Variants in DLST observed in about 807,000 individuals in gnomAD.
The protein encoded by DLST is dihydrolipoamide S-succinyltransferase.
Under a neutral mutation model 53.1 loss-of-function variants are expected in DLST, and 17 were observed. The observed-to-expected ratio is 0.32, with a 90% CI of 0.22 to 0.48. The LOEUF (loss-of-function observed/expected upper bound fraction) is 0.48, where lower values mean the gene tolerates loss of function less well. DLST is among the 20% of genes least tolerant of loss of function. The pLI is 0.99. For synonymous variants in DLST, 206 were observed against 204.8 expected (o/e 1.01, Z -0.05); for missense variants, 512 against 583.9 (o/e 0.88, Z 1.27).
At chr14:74,896,423 CTT>C (rs1884079442) in intron 10 of DLST, among the ~76,000 whole-genome samples, 1 of 152,300 alleles carries the variant, frequency 6.6e-6, no homozygotes, top group Middle Eastern at 3.4e-3. Flanking sequence ...CAGGTCATCT[CTT>C]TCTTTCTTTT....
rs994925308 is a variant in DLST, at chr14:74,890,945, T to C, written c.331-111T>C. 4 of 1,406,392 alleles carry C rather than the reference T, an allele frequency of 2.8e-6. No individual in the cohort carries two copies. The Admixed American group carries it at 9.7e-5, about 34-fold the overall frequency. The allele number at this position is 1,406,392 out of a possible 1,614,324, so 87.1% of individuals were successfully genotyped here. Reference sequence around the variant, plus strand: ...CGCCTGCCTTGGCATCCCAATATGCTGGGACTACAGGCATGAGCCACTGTG... The same window carrying C: ...CGCCTGCCTTGGCATCCCAATATGCCGGGACTACAGGCATGAGCCACTGTG... On this transcript the variant is annotated intron_variant, in intron 6 of 14. Transcript: ENST00000334220.
chr14:74,886,827 T>C (rs951442720), intron 3 of DLST, among the ~76,000 whole-genome samples: 5 of 151,852 alleles, frequency 3.3e-5, no homozygotes, highest in Admixed American at 6.6e-5. Context: ...CTGCAGCCTC[T>C]GCCTCTCGGG....
chr14:74,898,277 G>A (rs1594880820), intron 10 of DLST, 92 bp from the exon 11 acceptor site: 6 of 1,496,636 alleles, frequency 4.0e-6, no homozygotes, highest in East Asian at 2.3e-5. Context: ...TGAGGGAAAA[G>A]CTCTCACCTA....
At position 74,889,102 on chromosome 14, in the gene DLST, AAC is replaced by A; in HGVS notation, c.156_157del (p.Asn52LysfsTer17). 1 of 1,614,208 alleles carries A rather than the reference AAC, an allele frequency of 6.2e-7. No individual in the cohort carries two copies. The highest frequency in any genetic ancestry group is 8.5e-7 in the Non-Finnish European group (1 of 1,180,040). On this transcript the variant is annotated frameshift_variant, in exon 4 of 15. Coordinates refer to ENST00000334220, the MANE Select transcript of DLST (RefSeq NM_001933.5). LOFTEE classifies it high-confidence loss of function. The part of the protein sequence containing the change: ...YPNSRKVVIN[N>X]SVFSVRFFRT... ...CGTGTGTTTCTTTTGTAGCATTAAC[AAC>A]AGTGTCTTCAGTGTTCGCTTTTTCA...
At chr14:74,886,811 G>A (rs973898327) in intron 3 of DLST, among the ~76,000 whole-genome samples, 6 of 151,546 alleles carry the variant, frequency 4.0e-5, no homozygotes, top group Admixed American at 1.3e-4. Context: ...GCGCGATCTC[G>A]GCTCACTGCA....
At chr14:74,886,756 T>G (rs571290148) in intron 3 of DLST, among the ~76,000 whole-genome samples, 15 of 152,254 alleles carry the variant, frequency 9.9e-5, no homozygotes, top group African/African-American at 3.6e-4. Context: ...TTTTTCTTTT[T>G]TTCAAGATGG....
At chr14:74,894,101 A>C (rs1287619952) in intron 9 of DLST, among the ~76,000 whole-genome samples, 3 of 152,310 alleles carry the variant, frequency 2.0e-5, no homozygotes, top group Middle Eastern at 3.4e-3. Flanking sequence ...AGCTTTAGGC[A>C]CATCTGAGTG....
chr14:74,889,873 T>C, intron 5 of DLST, 24 bp from the exon 6 acceptor site: 2 of 1,613,648 alleles, frequency 1.2e-6, no homozygotes, highest in South Asian at 2.2e-5. Context: ...CAGGTAGCCT[T>C]GTAGCCTTTG....
chr14:74,890,958 A>G (rs1594875533), intron 6 of DLST, 98 bp from the exon 7 acceptor site: 3 of 1,477,722 alleles, frequency 2.0e-6, no homozygotes, highest in Non-Finnish European at 1.8e-6. Flanking sequence ...GACTACAGGC[A>G]TGAGCCACTG....
intron 3 of DLST, among the ~76,000 whole-genome samples, chr14:74,886,685 G>A (rs1285095641): frequency 2.0e-5 from 3 of 151,972 alleles, no homozygotes. Flanking sequence ...TATGAATCCC[G>A]GTGTTATTTT....
At chr14:74,893,059 A>G in intron 8 of DLST, 73 bp downstream of exon 8, 1 of 1,510,872 alleles carries the variant, frequency 6.6e-7, no homozygotes. Flanking sequence ...GGTAAACTCT[A>G]GACTGATGAT....
intron 9 of DLST, among the ~76,000 whole-genome samples, chr14:74,893,807 A>G (rs1404470464): frequency 6.6e-6 from 1 of 152,110 alleles, no homozygotes; most frequent in Non-Finnish European, 1.5e-5. Flanking sequence ...AAGGGATAAT[A>G]CTCAGTAGCA....
At chr14:74,893,462 G>A (rs943641380) in intron 9 of DLST, 38 bp downstream of exon 9, 1 of 1,611,268 alleles carries the variant, frequency 6.2e-7, no homozygotes, top group Non-Finnish European at 8.5e-7. Context: ...AAGAGGCAGG[G>A]GGCAGTGTTG....
intron 11 of DLST, among the ~76,000 whole-genome samples, chr14:74,899,642 T>C (rs1047187581): frequency 6.6e-6 from 1 of 152,220 alleles, no homozygotes; most frequent in Non-Finnish European, 1.5e-5. Flanking sequence ...GTTTAGTGCA[T>C]ACCTATCCTA....
At chr14:74,901,874 C>G (rs1245691617) in intron 14 of DLST, among the ~76,000 whole-genome samples, 1 of 150,496 alleles carries the variant, frequency 6.6e-6, no homozygotes, top group East Asian at 1.9e-4. Flanking sequence ...ATTCTAACCC[C>G]AGAGAGAAGC....
intron 2 of DLST, among the ~76,000 whole-genome samples, 169 bp downstream of exon 2, chr14:74,882,793 G>T (rs1180899404): frequency 6.6e-6 from 1 of 152,186 alleles, no homozygotes; most frequent in Non-Finnish European, 1.5e-5. Flanking sequence ...CATTTAGCTC[G>T]TAGTTGAGTT....
Position 74,903,640 on chromosome 14 carries a change from G to GT in DLST, c.*1311dup, listed in dbSNP as rs1884365735. The GT allele has an allele frequency of 6.6e-6, 1 of 152,022 alleles. No homozygotes were observed. The highest frequency in any genetic ancestry group is 2.1e-4 in the South Asian group (1 of 4,830). The allele number at this position is 152,022 out of a possible 1,614,324, so 9.4% of individuals were successfully genotyped here. On this transcript the variant is annotated 3_prime_UTR_variant, in exon 15 of 15. Coordinates refer to ENST00000334220, the MANE Select transcript of DLST (RefSeq NM_001933.5). ...GGGAAGGGGTGGGAGCCAATACTGA[G>GT]TGCCTGCAGCATCTACTACTCTGTC... is the stretch of plus-strand genomic sequence containing the variant.
At chr14:74,887,644 C>T (rs1187437708) in intron 3 of DLST, among the ~76,000 whole-genome samples, 2 of 152,196 alleles carry the variant, frequency 1.3e-5, no homozygotes, top group Admixed American at 6.5e-5. Flanking sequence ...ACTTTTTTAT[C>T]CTTGTCCTCT....
At chr14:74,882,486 T>A (rs1883558959) in intron 1 of DLST, 105 bp from the exon 2 acceptor site, 1 of 1,135,410 alleles carries the variant, frequency 8.8e-7, no homozygotes, top group African/African-American at 1.5e-5. Context: ...GTTACGAGAT[T>A]CACCTGTCAC....
Sources: allele counts gnomAD v4.1 joint callset (sites outside exome capture counted in the v4.1 genomes callset), GRCh38; gene constraint gnomAD v4.1.1; transcripts MANE v1.5; gene names NCBI Gene and HGNC (gene_info 2026-07-23, HGNC 2026-07-21).